Variants in CUL2 observed in about 807,000 individuals in gnomAD.
CUL2 encodes cullin 2.
In CUL2, 22 loss-of-function variants were observed where a neutral mutation model predicts 110.2. The observed-to-expected ratio is 0.20, with a 90% CI of 0.14 to 0.28. The LOEUF is 0.28. CUL2 is among the 10% of genes least tolerant of loss of function. CUL2 has a pLI of 1.00. For missense variants in CUL2, 631 were observed against 905.5 expected, an observed-to-expected ratio of 0.70 and a Z score of 3.89; for synonymous variants, 279 against 293.2, an observed-to-expected ratio of 0.95 and a Z score of 0.49.
intron 1 of CUL2, among the ~76,000 whole-genome samples, chr10:35,101,668 G>A (rs966708506): frequency 2.0e-5 from 3 of 152,134 alleles, no homozygotes; most frequent in African/African-American, 4.8e-5. Flanking sequence ...CGTTTCTTCT[G>A]AATCAACTCT....
At chr10:35,014,707 C>T (rs1347537772) in intron 18 of CUL2, among the ~76,000 whole-genome samples, 2 of 152,022 alleles carry the variant, frequency 1.3e-5, no homozygotes, top group Non-Finnish European at 2.9e-5. Context: ...GTGGCTTACA[C>T]CTGTGGTCCC....
intron 1 of CUL2, among the ~76,000 whole-genome samples, chr10:35,124,653 A>G (rs1053510384): frequency 5.3e-5 from 8 of 152,242 alleles, no homozygotes; most frequent in African/African-American, 1.7e-4. Context: ...TAGGGCTAGC[A>G]GTGCCAACAG....
At chr10:35,010,832 T>G (rs2084881455) in intron 20 of CUL2, among the ~76,000 whole-genome samples, 3 of 152,192 alleles carry the variant, frequency 2.0e-5, no homozygotes, top group Admixed American at 1.3e-4. Context: ...TATTTGCATA[T>G]CATTTCAATA....
intron 1 of CUL2, among the ~76,000 whole-genome samples, chr10:35,118,939 A>G (rs1229306236): frequency 1.3e-5 from 2 of 152,244 alleles, no homozygotes; most frequent in African/African-American, 4.8e-5. Context: ...ATGGAGAGGT[A>G]AAGGGAAAGA....
At chr10:35,108,196 G>A (rs2135123442) in intron 1 of CUL2, among the ~76,000 whole-genome samples, 1 of 152,242 alleles carries the variant, frequency 6.6e-6, no homozygotes, top group Middle Eastern at 3.4e-3. Context: ...AGTGGCTCAT[G>A]CCTGTAATCC....
chr10:35,027,360 G>T (rs954779706), intron 16 of CUL2, among the ~76,000 whole-genome samples: 2 of 151,832 alleles, frequency 1.3e-5, no homozygotes, highest in African/African-American at 4.8e-5. Flanking sequence ...TAGCCAGGAT[G>T]GTCTCAATCT....
intron 1 of CUL2, among the ~76,000 whole-genome samples, chr10:35,118,961 A>G (rs920131492): frequency 2.0e-5 from 3 of 152,194 alleles, no homozygotes; most frequent in African/African-American, 7.2e-5. Flanking sequence ...TAGGGGGACA[A>G]TGGGGTCCCC....
At chr10:35,010,891 A>C (rs2084883265) in intron 20 of CUL2, among the ~76,000 whole-genome samples, 1 of 152,206 alleles carries the variant, frequency 6.6e-6, no homozygotes, top group South Asian at 2.1e-4. Context: ...AGCCTGCCAT[A>C]TCTTCAGCTG....
In CUL2 at chr10:35,103,300, C is replaced by A. The variant is rs561419324; in HGVS notation, c.-50-2240G>T. 8.2e-5 allele frequency among the ~76,000 whole-genome samples: 12 copies of A among 145,672 alleles called. No homozygotes were observed. The South Asian group carries it at 2.7e-3, about 33-fold the overall frequency. ...TGGGACACAGGCGCCCGCCACCAGG[C>A]CAAGCTAATTTTTTTTTTTTTTTTT... On this transcript the variant is annotated intron_variant, in intron 1 of 5. Coordinates refer to the CUL2 transcript ENST00000685421.
At chr10:35,063,206 C>A in intron 2 of CUL2, 144 bp from the exon 3 acceptor site, 1 of 514,416 alleles carries the variant, frequency 1.9e-6, no homozygotes, top group Non-Finnish European at 3.4e-6. Context: ...GTATATATGA[C>A]AAGATAGAAT....
In CUL2 at chr10:35,071,413, T is replaced by G. The variant is rs187666148; in HGVS notation, c.-22-74A>C. ...AGTTTTTTTGTTGTTGTTTTTTGTT[T>G]GTTTGCTTTGAGACGGAGTCTCGCT... On this transcript the variant is annotated intron_variant, in intron 1 of 20. Transcript: ENST00000374749. 42 of 1,376,022 alleles carry G rather than the reference T, an allele frequency of 3.1e-5. No individual in the cohort carries two copies. The Admixed American group carries it at 7.5e-4, about 25-fold the overall frequency. The allele number at this position is 1,376,022 out of a possible 1,614,324, so 85.2% of individuals were successfully genotyped here.
At chr10:35,072,531 G>A (rs1264792073) in intron 1 of CUL2, among the ~76,000 whole-genome samples, 2 of 152,030 alleles carry the variant, frequency 1.3e-5, no homozygotes, top group Non-Finnish European at 2.9e-5. Context: ...ACCATGCCCG[G>A]CTCATTTTTT....
In CUL2 at chr10:35,049,699, G is replaced by C. The variant is rs767335940; in HGVS notation, c.490C>G (p.Leu164Val). The change falls in exon 6 of 21, where the codon CTC (leucine) becomes GTC (valine). Residue 164 changes from leucine to valine, a missense_variant. Around this residue, in one of 3 missense-constraint regions of CUL2, gnomAD observed 338 missense variants for 442.5 expected, o/e 0.76. Coordinates refer to ENST00000374749, the MANE Select transcript of CUL2 (RefSeq NM_003591.4). ...AGCACTCACTTTTTGATTTCTCGGAGCAGCATTCGGATAAGGATGGCCTGA... is the reference window on the plus strand; with the variant it reads ...AGCACTCACTTTTTGATTTCTCGGACCAGCATTCGGATAAGGATGGCCTGA... ...PLQAILIRML[L>V]REIKNDRGGE... The C allele has an allele frequency of 1.2e-6, 2 of 1,612,766 alleles. No homozygotes were observed. The highest frequency in any genetic ancestry group is 1.7e-6 in the Non-Finnish European group (2 of 1,179,190).
chr10:35,045,064 T>A (rs1464636273), intron 6 of CUL2, among the ~76,000 whole-genome samples, 196 bp from the exon 7 acceptor site: 1 of 152,236 alleles, frequency 6.6e-6, no homozygotes, highest in Non-Finnish European at 1.5e-5. Flanking sequence ...ATAGTTAATG[T>A]ATACATTAGA....
chr10:35,078,109 C>T (rs1275890827), intron 1 of CUL2, among the ~76,000 whole-genome samples: 1 of 152,114 alleles, frequency 6.6e-6, no homozygotes, highest in East Asian at 1.9e-4. Flanking sequence ...TACTAACCTT[C>T]CCTTCTGAGA....
At position 35,031,748 on chromosome 10, in the gene CUL2, G is replaced by T; in HGVS notation, c.1171-129C>A. 1 of 888,598 alleles carries T rather than the reference G, an allele frequency of 1.1e-6. No individual in the cohort carries two copies. Among genetic ancestry groups the T allele is most frequent in the Non-Finnish European group, 1.7e-6 (1 of 583,790 alleles). 55.0% of individuals were successfully genotyped at this position (888,598 alleles called of 1,614,324 possible). ...TTTTGCTGTTTTTTTTAGAGACCGG[G>T]TCTTGCTCTGTTGCCAGGCTGGATT... On this transcript the variant is annotated intron_variant, in intron 12 of 20. Coordinates refer to ENST00000374749, the MANE Select transcript of CUL2 (RefSeq NM_003591.4). This position sits in a 1 kb window ranked among gnomAD's most constrained non-coding sequence, Gnocchi z 4.4.
At chr10:35,078,364 C>T (rs1025461165) in intron 1 of CUL2, among the ~76,000 whole-genome samples, 1 of 150,098 alleles carries the variant, frequency 6.7e-6, no homozygotes, top group African/African-American at 2.5e-5. Flanking sequence ...GGCATGATCT[C>T]GGCTCACCAC....
chr10:35,082,044 C>A (rs1348281584), intron 1 of CUL2, among the ~76,000 whole-genome samples: 1 of 152,028 alleles, frequency 6.6e-6, no homozygotes, highest in Non-Finnish European at 1.5e-5. Context: ...AGTTTGTAAT[C>A]CCAGCATTTT....
intron 17 of CUL2, among the ~76,000 whole-genome samples, chr10:35,020,980 T>C (rs1026507883): frequency 4.1e-5 from 6 of 147,446 alleles, no homozygotes; most frequent in East Asian, 2.1e-4. Flanking sequence ...TTTTTTTTTT[T>C]CAAGACAGGG....
Sources: gnomAD v4.1 joint callset for allele counts (sites outside exome capture counted in the v4.1 genomes callset) on GRCh38, gnomAD v4.1.1 for gene constraint, gnomAD v4.1.1 regional missense constraint, Gnocchi (gnomAD v3.1) non-coding constraint, MANE v1.5 for transcripts, NCBI Gene and HGNC (gene_info 2026-07-23, HGNC 2026-07-21) for gene names.